Variants in NKAIN3 observed in about 807,000 individuals in gnomAD.
The protein encoded by NKAIN3 is sodium/potassium-transporting ATPase subunit beta-1-interacting protein 3.
A neutral mutation model predicts 30.2 loss-of-function variants in NKAIN3; 25 were observed. The ratio of observed to expected loss-of-function variants is 0.83; its 90% CI spans 0.60 to 1.16. NKAIN3 has a LOEUF of 1.16. Ranked by LOEUF, NKAIN3 falls within the 50% of genes most tolerant of loss-of-function variation. The pLI is 0.00. For missense variants in NKAIN3, 225 were observed against 254.1 expected (o/e 0.89, Z 0.78); for synonymous variants, 91 against 89.6 (o/e 1.02, Z -0.09).
chr8:62,750,896 C>A lies in NKAIN3; in HGVS notation c.471+3767C>A, dbSNP rs1816259477. ...CACTGCCCGTCTCTGTTCATATGCTCATCACTTCTCACCTGAAGCTGGCCA... is the reference window on the plus strand; with the variant it reads ...CACTGCCCGTCTCTGTTCATATGCTAATCACTTCTCACCTGAAGCTGGCCA... On this transcript the variant is annotated intron_variant, in intron 4 of 6. Coordinates refer to ENST00000623646, the MANE Select transcript of NKAIN3 (RefSeq NM_001304533.3). 2.6e-5 allele frequency among the ~76,000 whole-genome samples: 4 copies of A among 152,056 alleles called. No homozygotes were observed. In the South Asian group the frequency reaches 8.3e-4, roughly 32 times the overall value.
In NKAIN3 at chr8:62,967,189, A is replaced by G. The variant is rs985051557; in HGVS notation, c.*1782A>G. On this transcript the variant is annotated 3_prime_UTR_variant, in exon 7 of 7. Coordinates refer to ENST00000623646, the MANE Select transcript of NKAIN3 (RefSeq NM_001304533.3). ...AGATGAGGGGGCTGAAGCCTAAGGGATTTGGTGAACTTGTCCAGAGCCTGT... is the reference window on the plus strand; with the variant it reads ...AGATGAGGGGGCTGAAGCCTAAGGGGTTTGGTGAACTTGTCCAGAGCCTGT... 6.6e-6 allele frequency among the ~76,000 whole-genome samples: 1 copy of G among 152,162 alleles called. No individual in the cohort carries two copies. The highest frequency in any genetic ancestry group is 1.5e-5 in the Non-Finnish European group (1 of 68,012).
At position 62,403,653 on chromosome 8, in the gene NKAIN3, G is replaced by A. The variant is rs186921494; in HGVS notation, c.54+154526G>A. Among the ~76,000 whole-genome samples, 16 of 152,306 alleles carry A rather than the reference G, an allele frequency of 1.1e-4. No individual in the cohort carries two copies. The East Asian group carries it at 1.7e-3, about 17-fold the overall frequency. On this transcript the variant is annotated intron_variant, in intron 1 of 6. Coordinates refer to ENST00000623646, the MANE Select transcript of NKAIN3 (RefSeq NM_001304533.3). Reference sequence around the variant, plus strand: ...CAAGAATTGAGGTTTGGGAACCTCTGCCTAGATTTCAGAGAATGTATGGAA... The same window carrying A: ...CAAGAATTGAGGTTTGGGAACCTCTACCTAGATTTCAGAGAATGTATGGAA...
intron 1 of NKAIN3, among the ~76,000 whole-genome samples, chr8:62,375,968 G>A (rs1468808738): frequency 6.6e-6 from 1 of 152,156 alleles, no homozygotes; most frequent in Non-Finnish European, 1.5e-5. Context: ...CTTACTTTCT[G>A]TGAGGCACTA....
At chr8:62,570,033 A>G (rs1809883236) in intron 1 of NKAIN3, among the ~76,000 whole-genome samples, 1 of 152,176 alleles carries the variant, frequency 6.6e-6, no homozygotes, top group Non-Finnish European at 1.5e-5. Flanking sequence ...GATTCTGCCA[A>G]TATGTGTGAC....
At chr8:62,768,141 G>T (rs989694863) in intron 4 of NKAIN3, among the ~76,000 whole-genome samples, 1 of 152,104 alleles carries the variant, frequency 6.6e-6, no homozygotes, top group African/African-American at 2.4e-5. Context: ...TGTTCTAAGT[G>T]TAAAAACGAT....
intron 1 of NKAIN3, among the ~76,000 whole-genome samples, chr8:62,393,989 G>A (rs550615575): frequency 1.3e-5 from 2 of 152,174 alleles, no homozygotes; most frequent in African/African-American, 4.8e-5. Context: ...CTTTATATTA[G>A]GTTCTTTAAG....
At chr8:62,249,811 G>A (rs905082962) in intron 1 of NKAIN3, among the ~76,000 whole-genome samples, 5 of 152,178 alleles carry the variant, frequency 3.3e-5, no homozygotes, top group East Asian at 1.9e-4. Context: ...CTCCATTGGC[G>A]CGGTGCCTTG....
intron 1 of NKAIN3, among the ~76,000 whole-genome samples, chr8:62,257,541 C>T (rs1384684): frequency 0.6 from 91,174 of 151,978 alleles, 27,618 homozygotes; most frequent in East Asian, 0.68. Context: ...GAAACTTCAT[C>T]CTGTCACTCC....
intron 3 of NKAIN3, among the ~76,000 whole-genome samples, chr8:62,601,870 T>G (rs1348820272): frequency 6.6e-6 from 1 of 152,082 alleles, no homozygotes; most frequent in East Asian, 1.9e-4. Flanking sequence ...GTCTTTTCCT[T>G]TGGCATGAGT....
chr8:62,367,772 T>C (rs2129592987), intron 1 of NKAIN3, among the ~76,000 whole-genome samples: 1 of 152,096 alleles, frequency 6.6e-6, no homozygotes, highest in South Asian at 2.1e-4. Flanking sequence ...ATAAAAGACC[T>C]CCAAATTGGA....
chr8:62,472,165 G>A (rs1806374737), intron 1 of NKAIN3, among the ~76,000 whole-genome samples: 1 of 152,146 alleles, frequency 6.6e-6, no homozygotes, highest in Non-Finnish European at 1.5e-5. Context: ...CTCAGTCCTG[G>A]GTGAGCTGAA....
At chr8:62,731,002 A>G (rs1357817714) in intron 3 of NKAIN3, among the ~76,000 whole-genome samples, 1 of 152,174 alleles carries the variant, frequency 6.6e-6, no homozygotes, top group African/African-American at 2.4e-5. Flanking sequence ...AGTGGCTCCT[A>G]CATCCTTTCA....
intron 3 of NKAIN3, among the ~76,000 whole-genome samples, chr8:62,714,415 A>G (rs780116289): frequency 6.6e-5 from 10 of 152,150 alleles, no homozygotes; most frequent in Non-Finnish European, 1.5e-4. Flanking sequence ...TATGTATGTT[A>G]TTTATTAAAA....
chr8:62,628,655 A>T lies in NKAIN3; in HGVS notation c.273+38861A>T, dbSNP rs181776409. Among the ~76,000 whole-genome samples, 6 of 152,248 alleles carry T rather than the reference A, an allele frequency of 3.9e-5. No individual in the cohort carries two copies. The East Asian group carries it at 1.2e-3, about 29-fold the overall frequency. ...AGTATTATTTATCTGTAATCTATACATGTGCAATGTTCTTAATGTCTTTGC... is the reference window on the plus strand; with the variant it reads ...AGTATTATTTATCTGTAATCTATACTTGTGCAATGTTCTTAATGTCTTTGC... On this transcript the variant is annotated intron_variant, in intron 3 of 6. Transcript: ENST00000623646.
chr8:62,901,429 A>G (rs560567709), intron 4 of NKAIN3, among the ~76,000 whole-genome samples: 94 of 152,224 alleles, frequency 6.2e-4, no homozygotes, highest in African/African-American at 2.1e-3. Flanking sequence ...ACACAGCAAA[A>G]CACTCTATCT....
chr8:62,929,495 T>C (rs146830141), intron 5 of NKAIN3, among the ~76,000 whole-genome samples: 4 of 152,332 alleles, frequency 2.6e-5, no homozygotes, highest in African/African-American at 9.6e-5. Context: ...AACACTTAGT[T>C]ACTAGTCCTA....
At chr8:62,863,220 C>A in intron 4 of NKAIN3, 1 of 1,558,482 alleles carries the variant, frequency 6.4e-7, no homozygotes, top group Non-Finnish European at 8.8e-7. Context: ...ACTCAGCCTG[C>A]CTCTTCTGTT....
chr8:62,394,791 C>T (rs1313482234), intron 1 of NKAIN3, among the ~76,000 whole-genome samples: 4 of 144,692 alleles, frequency 2.8e-5, no homozygotes, highest in African/African-American at 5.2e-5. Context: ...GTGGGGCGGC[C>T]AAGCAGAGAC....
intron 1 of NKAIN3, among the ~76,000 whole-genome samples, chr8:62,516,551 T>A (rs986068516): frequency 6.6e-6 from 1 of 152,122 alleles, no homozygotes; most frequent in Non-Finnish European, 1.5e-5. Flanking sequence ...AAATTGTTGT[T>A]TGGTATTGTA....
Sources: gnomAD v4.1 joint callset for allele counts (sites outside exome capture counted in the v4.1 genomes callset) on GRCh38, gnomAD v4.1.1 for gene constraint, MANE v1.5 for transcripts, NCBI Gene and HGNC (gene_info 2026-07-23, HGNC 2026-07-21) for gene names.